Variants in ME3 observed in about 807,000 individuals in gnomAD.
The protein encoded by ME3 is NADP-dependent malic enzyme, mitochondrial.
Under a neutral mutation model 68.9 loss-of-function variants are expected in ME3, and 48 were observed. The observed-to-expected ratio is 0.70, with a 90% CI of 0.55 to 0.89. The LOEUF (loss-of-function observed/expected upper bound fraction) is 0.89, where lower values mean the gene tolerates loss of function less well. Among genes scored for constraint, ME3 ranks in the 40% least tolerant of loss-of-function variants. The pLI is 0.00. For synonymous variants in ME3, 320 were observed against 318.8 expected (o/e 1.00, Z -0.04); for missense variants, 675 against 797.4 (o/e 0.85, Z 1.85).
At chr11:86,658,079 G>A (rs926980949) in intron 2 of ME3, among the ~76,000 whole-genome samples, 1 of 152,064 alleles carries the variant, frequency 6.6e-6, no homozygotes, top group Non-Finnish European at 1.5e-5. Flanking sequence ...AGGAAGAAGA[G>A]GCCATGAAAA....
chr11:86,558,742 A>G (rs1957053937), intron 3 of ME3, among the ~76,000 whole-genome samples: 1 of 152,212 alleles, frequency 6.6e-6, no homozygotes, highest in South Asian at 2.1e-4. Context: ...TTACTTGACA[A>G]ACACTGACAT....
intron 7 of ME3, among the ~76,000 whole-genome samples, chr11:86,478,959 A>G (rs1447524923): frequency 1.3e-5 from 2 of 152,152 alleles, no homozygotes; most frequent in Non-Finnish European, 2.9e-5. Context: ...TTTAGGTGTC[A>G]ACTTGGCTGG....
chr11:86,662,802 G>C (rs1166342248), intron 2 of ME3, among the ~76,000 whole-genome samples: 21 of 152,124 alleles, frequency 1.4e-4, no homozygotes, highest in Admixed American at 1.4e-3. Flanking sequence ...AGTATAATAG[G>C]AATCTGCATT....
chr11:86,618,787 G>A (rs896006749), intron 2 of ME3, among the ~76,000 whole-genome samples: 7 of 150,396 alleles, frequency 4.7e-5, no homozygotes, highest in Admixed American at 2.7e-4. Flanking sequence ...GCGTGATCTC[G>A]GCTCACTGCA....
chr11:86,611,696 T>C lies in ME3; in HGVS notation c.184-51873A>G, dbSNP rs78152959. Among the ~76,000 whole-genome samples, 288 of 152,130 alleles carry C rather than the reference T, an allele frequency of 1.9e-3. 1 individual carries two copies. Among genetic ancestry groups the C allele is most frequent in the African/African-American group, 6.8e-3 (281 of 41,494 alleles). Reference sequence around the variant, plus strand: ...CATGCAATGGGAAGACTCTAGAAGTTAAGTCTGAAAACAGGGCCTTGATTG... The same window carrying C: ...CATGCAATGGGAAGACTCTAGAAGTCAAGTCTGAAAACAGGGCCTTGATTG... On this transcript the variant is annotated intron_variant, in intron 2 of 14. Coordinates refer to ENST00000543262, the Ensembl canonical transcript of ME3.
intron 2 of ME3, among the ~76,000 whole-genome samples, chr11:86,665,467 C>G (rs537552373): frequency 6.6e-6 from 1 of 152,122 alleles, no homozygotes; most frequent in East Asian, 1.9e-4. Context: ...TGGGTAGGAG[C>G]ACAACTGACT....
At chr11:86,521,987 T>C (rs772694470) in intron 4 of ME3, among the ~76,000 whole-genome samples, 42 of 152,200 alleles carry the variant, frequency 2.8e-4, no homozygotes, top group Non-Finnish European at 5.0e-4. Flanking sequence ...TGGTGACTCA[T>C]ACCTGTAATC....
At chr11:86,461,135 G>T (rs1331576179) in intron 8 of ME3, among the ~76,000 whole-genome samples, 3 of 152,210 alleles carry the variant, frequency 2.0e-5, no homozygotes, top group African/African-American at 7.2e-5. Context: ...CACTTCACAC[G>T]TGCAGGAGCA....
At chr11:86,543,798 A>G (rs1174890632) in intron 4 of ME3, among the ~76,000 whole-genome samples, 2 of 152,220 alleles carry the variant, frequency 1.3e-5, no homozygotes, top group African/African-American at 2.4e-5. Context: ...CTCTGGACCA[A>G]GTGGAGCTAA....
chr11:86,613,398 G>C (rs973875678), intron 2 of ME3, among the ~76,000 whole-genome samples: 22 of 152,164 alleles, frequency 1.4e-4, no homozygotes, highest in African/African-American at 5.1e-4. Context: ...CATTCCCTTT[G>C]AAAACTGGTA....
At chr11:86,511,826 G>T (rs181795907) in intron 4 of ME3, among the ~76,000 whole-genome samples, 1 of 151,948 alleles carries the variant, frequency 6.6e-6, no homozygotes, top group Non-Finnish European at 1.5e-5. Flanking sequence ...ACCTAAGATT[G>T]GTCTTTTGAG....
chr11:86,583,573 C>T (rs997046589), intron 2 of ME3, among the ~76,000 whole-genome samples: 4 of 152,122 alleles, frequency 2.6e-5, no homozygotes, highest in Admixed American at 1.3e-4. Flanking sequence ...TTAATTCATT[C>T]GAAGAAATAC....
intron 2 of ME3, among the ~76,000 whole-genome samples, chr11:86,641,113 A>G (rs1283725992): frequency 6.6e-6 from 1 of 152,136 alleles, no homozygotes; most frequent in Non-Finnish European, 1.5e-5. Flanking sequence ...TAAATTAAGT[A>G]TAGTTTTTAC....
At chr11:86,526,751 G>A (rs897628423) in intron 4 of ME3, among the ~76,000 whole-genome samples, 7 of 152,186 alleles carry the variant, frequency 4.6e-5, no homozygotes, top group African/African-American at 7.2e-5. Flanking sequence ...ATACCCAGGC[G>A]AACAGGGTCT....
intron 2 of ME3, among the ~76,000 whole-genome samples, chr11:86,627,008 G>A (rs1440357408): frequency 6.6e-6 from 1 of 152,192 alleles, no homozygotes; most frequent in Non-Finnish European, 1.5e-5. Context: ...ATTTAGAGGT[G>A]GAGAGAGGGA....
intron 8 of ME3, chr11:86,457,486 G>C: frequency 9.7e-7 from 1 of 1,034,838 alleles, no homozygotes; most frequent in Non-Finnish European, 1.2e-6. Flanking sequence ...CCTTTGGGAA[G>C]CTATTTCTGC....
chr11:86,556,471 C>G, intron 4 of ME3, 82 bp downstream of exon 4: 1 of 1,491,638 alleles, frequency 6.7e-7, no homozygotes, highest in Non-Finnish European at 9.0e-7. Context: ...CTCCAGAGTC[C>G]CAATATGCAT....
chr11:86,463,247 C>T (rs1950318467), intron 8 of ME3, among the ~76,000 whole-genome samples: 3 of 152,202 alleles, frequency 2.0e-5, no homozygotes, highest in Admixed American at 2.0e-4. Context: ...GGTGTGCCGC[C>T]TGCATGGACT....
intron 5 of ME3, among the ~76,000 whole-genome samples, chr11:86,503,802 C>T (rs754304223): frequency 6.6e-6 from 1 of 152,178 alleles, no homozygotes; most frequent in African/African-American, 2.4e-5. Flanking sequence ...CTCAGAACCT[C>T]CTCCTGCGAA....
Sources: allele counts gnomAD v4.1 joint callset (sites outside exome capture counted in the v4.1 genomes callset), GRCh38; gene constraint gnomAD v4.1.1; transcripts MANE v1.5; gene names NCBI Gene and HGNC (gene_info 2026-07-23, HGNC 2026-07-21).